The following FTCDNL1 variants were observed in gnomAD, a reference collection of about 807,000 sequenced individuals.
FTCDNL1 encodes the protein formiminotransferase cyclodeaminase N-terminal like.
FTCDNL1 carries 11 observed loss-of-function variants against 5.9 expected under a neutral mutation model. The observed-to-expected ratio is 1.87, with a 90% CI of 1.18 to 3.10. The LOEUF is 3.10. FTCDNL1 is among the 30% of genes most tolerant of loss of function. The probability of loss-of-function intolerance (pLI) is 0.00; values close to 1 mark genes in which losing one functional copy is unlikely to be tolerated. For missense variants in FTCDNL1, 115 were observed against 65.5 expected (o/e 1.76, Z -2.61); for synonymous variants, 58 against 24.8 (o/e 2.34, Z -3.99).
chr2:199,845,779 C>A (rs1187135573), intron 3 of FTCDNL1, among the ~76,000 whole-genome samples: 2 of 150,496 alleles, frequency 1.3e-5, no homozygotes, highest in Admixed American at 1.3e-4. Flanking sequence ...ACTTCACAGG[C>A]TAAAACCTGA....
the FTCDNL1 span, among the ~76,000 whole-genome samples, chr2:199,730,766 A>G: frequency 6.6e-6 from 1 of 152,224 alleles, no homozygotes; most frequent in African/African-American, 2.4e-5. Flanking sequence ...TAGCTCAACC[A>G]TTGTGGAAGA....
At chr2:199,782,820 C>T (rs113721363) in intron 3 of FTCDNL1, among the ~76,000 whole-genome samples, 6 of 152,298 alleles carry the variant, frequency 3.9e-5, no homozygotes, top group South Asian at 2.1e-4. Context: ...TAGTCATTCA[C>T]GATTTTGCAG....
chr2:199,751,862 A>G, the FTCDNL1 span, among the ~76,000 whole-genome samples: 2 of 142,678 alleles, frequency 1.4e-5, 1 homozygote. Context: ...CAATGAGCCC[A>G]TCAGGCTGCC....
the FTCDNL1 span, among the ~76,000 whole-genome samples, chr2:199,686,793 C>T: frequency 6.6e-6 from 1 of 152,068 alleles, no homozygotes. Context: ...AATTTCAATG[C>T]AATATACTAT....
chr2:199,755,689 T>C (rs1316165228), downstream of FTCDNL1, among the ~76,000 whole-genome samples: 1 of 152,224 alleles, frequency 6.6e-6, no homozygotes, highest in Non-Finnish European at 1.5e-5. Context: ...GCAGTATACC[T>C]ATGCTGCCCA....
the FTCDNL1 span, among the ~76,000 whole-genome samples, chr2:199,714,267 AG>A: frequency 3.9e-5 from 6 of 152,218 alleles, no homozygotes; most frequent in Admixed American, 3.9e-4. Flanking sequence ...GAGAGTCAAA[AG>A]ACAGTGAAAA....
the FTCDNL1 span, among the ~76,000 whole-genome samples, chr2:199,754,708 C>T: frequency 6.6e-6 from 1 of 152,126 alleles, no homozygotes; most frequent in Non-Finnish European, 1.5e-5. Context: ...AAGAGTGAAT[C>T]CTGTGAACGT....
the FTCDNL1 span, among the ~76,000 whole-genome samples, chr2:199,706,234 T>C: frequency 2.4e-4 from 37 of 152,250 alleles, no homozygotes; most frequent in East Asian, 2.9e-3. Flanking sequence ...TGCTATGTCA[T>C]CTGGTAAAAA....
chr2:199,717,509 A>ATTTTTTTTTTTTTTTTTTTTTTTTT, the FTCDNL1 span, among the ~76,000 whole-genome samples: 7 of 57,688 alleles, frequency 1.2e-4, 2 homozygotes, highest in East Asian at 2.8e-3. Context: ...CAAGGCAGAG[A>ATTTTTTTTTTTTTTTTTTTTTTTTT]TTTTTTTTTT....
At chr2:199,849,349 A>T (rs1004750592) in intron 1 of FTCDNL1, among the ~76,000 whole-genome samples, 2 of 152,208 alleles carry the variant, frequency 1.3e-5, no homozygotes, top group Non-Finnish European at 2.9e-5. Context: ...TTGTTGTTAA[A>T]CTAGACTTAG....
the FTCDNL1 span, among the ~76,000 whole-genome samples, chr2:199,728,546 C>A: frequency 6.6e-6 from 1 of 152,112 alleles, no homozygotes; most frequent in African/African-American, 2.4e-5. Flanking sequence ...CCATGCCCAG[C>A]CTGGTAACAA....
the FTCDNL1 span, among the ~76,000 whole-genome samples, chr2:199,671,929 A>G: frequency 6.6e-6 from 1 of 152,216 alleles, no homozygotes; most frequent in Non-Finnish European, 1.5e-5. Context: ...GTTTTATTGT[A>G]TCTGTTTATA....
At chr2:199,687,259 T>C in the FTCDNL1 span, among the ~76,000 whole-genome samples, 1 of 152,212 alleles carries the variant, frequency 6.6e-6, no homozygotes, top group African/African-American at 2.4e-5. Context: ...TTGTAGAATA[T>C]AGCAAAAGTT....
At chr2:199,717,022 T>A in the FTCDNL1 span, among the ~76,000 whole-genome samples, 1 of 152,112 alleles carries the variant, frequency 6.6e-6, no homozygotes, top group African/African-American at 2.4e-5. Flanking sequence ...AATGTCTTTC[T>A]TTGTGGGCAA....
the FTCDNL1 span, among the ~76,000 whole-genome samples, chr2:199,680,879 C>T: frequency 6.6e-6 from 1 of 152,174 alleles, no homozygotes; most frequent in East Asian, 1.9e-4. Context: ...CCTAATACCT[C>T]TAGTAAAGAG....
chr2:199,808,798 T>C (rs1162941830), downstream of FTCDNL1, among the ~76,000 whole-genome samples: 2 of 152,234 alleles, frequency 1.3e-5, no homozygotes, highest in African/African-American at 4.8e-5. Flanking sequence ...CATTACAGCT[T>C]ATAGACATTT....
At chr2:199,842,104 C>CA (rs199525463) in intron 3 of FTCDNL1, among the ~76,000 whole-genome samples, 10,109 of 141,580 alleles carry the variant, frequency 0.071, 463 homozygotes, top group East Asian at 0.16. Context: ...ACTAAAAATA[C>CA]AAAAAAAAAA....
At chr2:199,763,163 C>A (rs1055123639) in intron 3 of FTCDNL1, among the ~76,000 whole-genome samples, 1 of 152,156 alleles carries the variant, frequency 6.6e-6, no homozygotes, top group South Asian at 2.1e-4. Flanking sequence ...ATTATAGAGA[C>A]GTCATGCAGA....
the FTCDNL1 span, among the ~76,000 whole-genome samples, chr2:199,726,489 A>G: frequency 0.011 from 1,619 of 152,144 alleles, 33 homozygotes; most frequent in African/African-American, 0.037. Context: ...TTATTTGTCC[A>G]TGTTTTTGCG....
Sources: allele counts gnomAD v4.1 joint callset (sites outside exome capture counted in the v4.1 genomes callset), GRCh38; gene constraint gnomAD v4.1.1; transcripts MANE v1.5; gene names NCBI Gene and HGNC (gene_info 2026-07-23, HGNC 2026-07-21).